Variants in SYNE4 observed in about 807,000 individuals in gnomAD.
SYNE4 encodes the protein nesprin-4.
In SYNE4, 41 loss-of-function variants were observed where a neutral mutation model predicts 46.9. The ratio of observed to expected loss-of-function variants is 0.87; its 90% confidence interval spans 0.68 to 1.13. The LOEUF (loss-of-function observed/expected upper bound fraction) is 1.13, where lower values mean the gene tolerates loss of function less well. Among genes scored for constraint, SYNE4 ranks in the 50% most tolerant of loss-of-function variants. SYNE4 has a pLI of 0.00. For synonymous variants in SYNE4, 221 were observed against 219.5 expected (o/e 1.01, Z -0.06); for missense variants, 492 against 514.8 (o/e 0.96, Z 0.43).
At chr19:36,004,905 T>A in intron 6 of SYNE4, among the ~76,000 whole-genome samples, 1 of 125,928 alleles carries the variant, frequency 7.9e-6, no homozygotes. Flanking sequence ...TGAGATGGGG[T>A]CTCACTATGT....
chr19:36,004,729 C>T (rs1183911355), intron 6 of SYNE4, among the ~76,000 whole-genome samples: 1 of 152,158 alleles, frequency 6.6e-6, no homozygotes, highest in Non-Finnish European at 1.5e-5. Context: ...GAGGCATGCT[C>T]CTTCCCCTGG....
In SYNE4 at chr19:36,003,425, G is replaced by A. The variant is rs199938988; in HGVS notation, c.1127C>T (p.Ala376Val). The stretch of plus-strand genomic sequence containing the variant: ...ATGAGAGCAGCAGGGGCCTCCTGAC[G>A]CGGGCAGGAGAAACATGGCACCCAC... The part of the protein sequence containing the change: ...LLVGAMFLLP[A>V]SGGPCCSHAR... The change falls in exon 8 of 8, where the codon GCG becomes GTG. Residue 376 changes from alanine to valine, a missense_variant. Ala to Val is a moderately conservative substitution (Grantham distance 64). Transcript: ENST00000324444. The A allele has an allele frequency of 9.5e-5, 154 of 1,613,870 alleles. 1 individual carries two copies. The highest frequency in any genetic ancestry group is 6.9e-4 in the African/African-American group (52 of 75,030).
At position 36,006,725 on chromosome 19, in the gene SYNE4, TG is replaced by T. The variant is rs145097056; in HGVS notation, c.618+24del. The T allele has an allele frequency of 2.2e-3, 3,460 of 1,592,478 alleles. 73 individuals carry two copies. In the African/African-American group the frequency reaches 0.041, roughly 19 times the overall value. On this transcript the variant is annotated intron_variant, in intron 4 of 7. Coordinates refer to ENST00000324444, the MANE Select transcript of SYNE4 (RefSeq NM_001039876.3). ...CTATGAGGTTGGGGCCTGGGTTGGG[TG>T]GGGGGTATCAAGATGGGCCCTACCA...
At position 36,008,699 on chromosome 19, in the gene SYNE4, C is replaced by T. The variant is rs1248022780; in HGVS notation, c.-18G>A. 4 of 1,600,164 alleles carry T rather than the reference C, an allele frequency of 2.5e-6. No individual in the cohort carries two copies. The highest frequency in any genetic ancestry group is 3.4e-6 in the Non-Finnish European group (4 of 1,173,744). On this transcript the variant is annotated 5_prime_UTR_variant, in exon 1 of 8. Coordinates refer to ENST00000324444, the MANE Select transcript of SYNE4 (RefSeq NM_001039876.3). ...AGGGCCATGGCTGGGGGCCTGGGGA[C>T]ACAAAGTCAGGTGAGGGCAGCCAGT... is the stretch of plus-strand genomic sequence containing the variant.
rs1481686773 is a variant in SYNE4 at position 36,007,644 on chromosome 19, A to G, written c.280-376T>C. The G allele has an allele frequency of 4.1e-6, 4 of 975,464 alleles. No homozygotes were observed. The African/African-American group carries it at 7.0e-5, about 17-fold the overall frequency. 60.4% of individuals were successfully genotyped at this position (975,464 alleles called of 1,614,324 possible). ...GTAATCCCAGCACTTTGGGAGGCCG[A>G]GGCCCGAGGATCACTTGAGCCCAGG... On this transcript the variant is annotated intron_variant, in intron 2 of 7. Coordinates refer to ENST00000324444, the MANE Select transcript of SYNE4 (RefSeq NM_001039876.3).
chr19:36,008,396 A>C (rs745518301), intron 1 of SYNE4, 29 bp from the exon 2 acceptor site: 6 of 1,560,412 alleles, frequency 3.8e-6, no homozygotes, highest in Non-Finnish European at 5.2e-6. Flanking sequence ...TGACTGGGTG[A>C]GTCTCGACAC....
Position 36,003,626 on chromosome 19 carries a change from C to A in SYNE4, c.1018G>T (p.Glu340Ter). 1.2e-6 allele frequency: 2 copies of A among 1,613,250 alleles called. No homozygotes were observed. The highest frequency in any genetic ancestry group is 1.7e-6 in the Non-Finnish European group (2 of 1,179,742). Residue 340 changes from glutamate (E) to a stop codon, truncating the protein, a stop_gained, in exon 7 of 8, where the codon GAG (glutamate) becomes TAG (stop). Transcript: ENST00000324444. LOFTEE classifies it low-confidence loss of function (END_TRUNC). ...CAGGCACCTCACCCTGGATTCCCCT[C>A]CAGCCTCACATCCTGGAGATGAGGA... Reference protein sequence around the residue: ...ASPHLQDVRLEGNPGAPDPAS... With the variant: ...ASPHLQDVRL
At chr19:36,007,082 C>T in intron 3 of SYNE4, 43 bp downstream of exon 3, 1 of 1,578,970 alleles carries the variant, frequency 6.3e-7, no homozygotes, top group Non-Finnish European at 8.6e-7. Context: ...GCACCCACTG[C>T]TGGGGCCGTG....
chr19:36,006,409 G>A lies in SYNE4; in HGVS notation c.867+14C>T. 1.3e-6 allele frequency: 2 copies of A among 1,584,614 alleles called. No individual in the cohort carries two copies. The highest frequency in any genetic ancestry group is 1.1e-5 in the South Asian group (1 of 88,170). On this transcript the variant is annotated intron_variant, in intron 5 of 7. Transcript: ENST00000324444. ...GTGCCTGGCAGAAGGTCCCTCAAGGGGGTCTGCTCTCACCTCAAGGCCTTG... is the reference window on the plus strand; with the variant it reads ...GTGCCTGGCAGAAGGTCCCTCAAGGAGGTCTGCTCTCACCTCAAGGCCTTG...
chr19:36,006,564 G>A lies in SYNE4; in HGVS notation c.726C>T (p.Pro242=). The part of the protein sequence containing the change: ...VWGPWAPSSL[P]TSTELEWDPA... ...GATCCCACTCCAACTCTGTGGAAGT[G>A]GGGAGGCTACTGGGTGCCCAGGGCC... Residue 242 remains proline, a synonymous_variant, in exon 5 of 8, where the codon CCC becomes CCT. Coordinates refer to ENST00000324444, the MANE Select transcript of SYNE4 (RefSeq NM_001039876.3). 6.2e-7 allele frequency: 1 copy of A among 1,606,710 alleles called. No individual in the cohort carries two copies. Among genetic ancestry groups the A allele is most frequent in the Non-Finnish European group, 8.5e-7 (1 of 1,176,606 alleles).
rs747476231 is a variant in SYNE4 at position 36,008,569 on chromosome 19, C to T, written c.113G>A (p.Gly38Glu). The T allele has an allele frequency of 3.7e-6, 6 of 1,613,904 alleles. No homozygotes were observed. The South Asian group carries it at 4.4e-5, about 12-fold the overall frequency. The change falls in exon 1 of 8, where the codon GGA (glycine) becomes GAA (glutamate). Residue 38 changes from glycine (G) to glutamate (E), a missense_variant. Gly to Glu is a moderately conservative substitution (Grantham distance 98). Transcript: ENST00000324444. ...CGGCCCCCACCTCGTGCTCTCCTCT[C>T]CGGACGCGGGGCAGACGGTGCATCC... ...IVGCTVCPAS[G>E]EESTSPEQAQ...
At chr19:36,008,092 C>T (rs894796001) in intron 2 of SYNE4, 125 bp downstream of exon 2, 2 of 1,279,756 alleles carry the variant, frequency 1.6e-6, no homozygotes, top group Non-Finnish European at 2.1e-6. Flanking sequence ...TCCAGAAGGT[C>T]CCTCCCCCTA....
At position 36,003,510 on chromosome 19, in the gene SYNE4, GA is replaced by G; in HGVS notation, c.1041del (p.Pro348LeufsTer7). On this transcript the variant is annotated frameshift_variant, in exon 8 of 8. Transcript: ENST00000324444. LOFTEE classifies it low-confidence loss of function (END_TRUNC). ...AAGGTCAGAGGCTGCCTGGATGCAG[GA>G]TCGGGGGCCCTGTGAAGGGAAATGC... Reference protein sequence around the residue: ...VRLEGNPGAPDPASRQPLTFL... With the variant: ...VRLEGNPGAPXPASRQPLTFL... 6.2e-7 allele frequency: 1 copy of G among 1,600,094 alleles called. No individual in the cohort carries two copies. The highest frequency in any genetic ancestry group is 8.5e-7 in the Non-Finnish European group (1 of 1,172,920).
intron 6 of SYNE4, among the ~76,000 whole-genome samples, chr19:36,004,011 T>A (rs1450709603): frequency 1.3e-5 from 2 of 152,084 alleles, no homozygotes; most frequent in Non-Finnish European, 2.9e-5. Flanking sequence ...CCACCACACC[T>A]GGCCGACACA....
At position 36,008,594 on chromosome 19, in the gene SYNE4, C is replaced by T; in HGVS notation, c.88G>A (p.Gly30Arg). The change falls in exon 1 of 8, where the codon GGA becomes AGA. Residue 30 changes from glycine (G) to arginine (R), a missense_variant. Gly to Arg is a moderately radical substitution (Grantham distance 125). Transcript: ENST00000324444. ...PGAPREADIV[G>R]CTVCPASGEE... ...CCGGACGCGGGGCAGACGGTGCATC[C>T]AACAATGTCCGCCTCTCTAGGTGCT... The T allele has an allele frequency of 6.2e-7, 1 of 1,614,006 alleles. No individual in the cohort carries two copies. The highest frequency in any genetic ancestry group is 1.7e-5 in the Admixed American group (1 of 60,010).
rs893490483 is a variant in SYNE4 at position 36,006,316 on chromosome 19, G to A, written c.867+107C>T. 5.0e-6 allele frequency: 7 copies of A among 1,411,482 alleles called. No individual in the cohort carries two copies. In the African/African-American group the frequency reaches 8.7e-5, roughly 17 times the overall value. 87.4% of individuals were successfully genotyped at this position (1,411,482 alleles called of 1,614,324 possible). On this transcript the variant is annotated intron_variant, in intron 5 of 7. Coordinates refer to ENST00000324444, the MANE Select transcript of SYNE4 (RefSeq NM_001039876.3). ...ACCGAGAGACAGAGATAGAGGGGGAGACAGAGCCACTGACACCTCCTTGGA... is the reference window on the plus strand; with the variant it reads ...ACCGAGAGACAGAGATAGAGGGGGAAACAGAGCCACTGACACCTCCTTGGA...
chr19:36,008,775 C>G lies in SYNE4; in HGVS notation c.-94G>C. 1.4e-6 allele frequency: 2 copies of G among 1,466,788 alleles called. No individual in the cohort carries two copies. Among genetic ancestry groups the G allele is most frequent in the Non-Finnish European group, 1.8e-6 (2 of 1,109,384 alleles). 90.9% of individuals were successfully genotyped at this position (1,466,788 alleles called of 1,614,324 possible). On this transcript the variant is annotated 5_prime_UTR_variant, in exon 1 of 8. Coordinates refer to ENST00000324444, the MANE Select transcript of SYNE4 (RefSeq NM_001039876.3). ...TCCCAGAGCTCCTCCGCTGGAGTCA[C>G]CCGGGCCTGAGGCTGCAGGAGAGGC...
In SYNE4 at chr19:36,004,866, C is replaced by CTTTTTTTT. The variant is rs59700541; in HGVS notation, c.972+459_972+466dup. On this transcript the variant is annotated intron_variant, in intron 6 of 7. Transcript: ENST00000324444. ...GAGCCCTGATGTTATTTCTTTCTTT[C>CTTTTTTTT]TTTTTTTTTTTTTTTTTTTTTTTTT... is the stretch of plus-strand genomic sequence containing the variant. 4.6e-3 allele frequency among the ~76,000 whole-genome samples: 410 copies of CTTTTTTTT among 89,916 alleles called. 5 individuals carry two copies. Among genetic ancestry groups the CTTTTTTTT allele is most frequent in the Non-Finnish European group, 6.2e-3 (290 of 46,696 alleles). The allele number at this position is 89,916 out of a possible 152,430, so 59.0% of individuals were successfully genotyped here.
chr19:36,006,651 C>T lies in SYNE4; in HGVS notation c.639G>A (p.Thr213=), dbSNP rs760598089. The T allele has an allele frequency of 6.2e-6, 10 of 1,602,588 alleles. No homozygotes were observed. In the African/African-American group the frequency reaches 9.4e-5, roughly 15 times the overall value. The change falls in exon 5 of 8, where the codon ACG becomes ACA. Residue 213 remains threonine (T), a synonymous_variant. Coordinates refer to ENST00000324444, the MANE Select transcript of SYNE4 (RefSeq NM_001039876.3). ...CCTCGACCTCCAAGTCCTGGTCCAG[C>T]GTGTTGGCCTCCTCGAACACCTGGG... is the stretch of plus-strand genomic sequence containing the variant. The part of the protein sequence containing the change: ...SYSLVFEEAN[T]LDQDLEVEGD...
Sources: gnomAD v4.1 joint callset for allele counts (sites outside exome capture counted in the v4.1 genomes callset) on GRCh38, gnomAD v4.1.1 for gene constraint, MANE v1.5 for transcripts, NCBI Gene and HGNC (gene_info 2026-07-23, HGNC 2026-07-21) for gene names.